STARD9: variants seen among roughly 807,000 people sequenced by gnomAD.
STARD9 encodes stAR-related lipid transfer protein 9.
STARD9 carries 346 observed loss-of-function variants against 399.8 expected under a neutral mutation model. That is an observed-to-expected ratio of 0.87 (90% CI 0.79 to 0.95). The LOEUF (loss-of-function observed/expected upper bound fraction) is 0.95, where lower values mean the gene tolerates loss of function less well. Among genes scored for constraint, STARD9 ranks in the 40% least tolerant of loss-of-function variants. The probability of loss-of-function intolerance (pLI) is 0.00; values close to 1 mark genes in which losing one functional copy is unlikely to be tolerated. For synonymous variants in STARD9, 2,203 were observed against 2,143.5 expected, an observed-to-expected ratio of 1.03 and a Z score of -0.77; for missense variants, 5,832 against 5,667.5, an observed-to-expected ratio of 1.03 and a Z score of -0.93.
intron 3 of STARD9, among the ~76,000 whole-genome samples, chr15:42,601,432 C>A (rs535583406): frequency 6.6e-6 from 1 of 151,076 alleles, no homozygotes; most frequent in Non-Finnish European, 1.5e-5. Context: ...ACTTCCCAGA[C>A]GGGGCGGCCG....
intron 21 of STARD9, 102 bp downstream of exon 21, chr15:42,681,714 G>A (rs981992899): frequency 9.2e-7 from 1 of 1,092,478 alleles, no homozygotes; most frequent in African/African-American, 1.6e-5. Context: ...TTTGTGATAT[G>A]ATGGAATCTT....
At chr15:42,594,179 A>G (rs2058460625) in intron 3 of STARD9, among the ~76,000 whole-genome samples, 1 of 152,170 alleles carries the variant, frequency 6.6e-6, no homozygotes, top group Non-Finnish European at 1.5e-5. Context: ...GATGTCAGGA[A>G]CCTGGAGAGG....
At position 42,651,083 on chromosome 15, in the gene STARD9, C is replaced by G. The variant is rs1312357351; in HGVS notation, c.627C>G (p.Asn209Lys). Residue 209 changes from asparagine to lysine, a missense_variant and splice_region_variant, in exon 8 of 33, where the codon AAC becomes AAG. By Grantham distance (94) the Asn-to-Lys change is moderately conservative. Coordinates refer to ENST00000290607, the MANE Select transcript of STARD9 (RefSeq NM_020759.3). The stretch of plus-strand genomic sequence containing the variant: ...AACTCTTGGAGGAGGGAATTGCAAA[C>G]AGGTAACAGGTTTGTTTGTTTCTGT... ...VIQLLEEGIA[N>K]RITAATHVHE... The G allele has an allele frequency of 5.9e-6, 9 of 1,531,338 alleles. No homozygotes were observed. The highest frequency in any genetic ancestry group is 7.9e-6 in the Non-Finnish European group (9 of 1,142,298). The allele number at this position is 1,531,338 out of a possible 1,614,324, so 94.9% of individuals were successfully genotyped here. A position where few individuals can be genotyped will look rare whatever the true frequency, so the allele number is the denominator to read the frequency against.
At chr15:42,651,838 C>A (rs1315591737) in intron 8 of STARD9, among the ~76,000 whole-genome samples, 1 of 152,196 alleles carries the variant, frequency 6.6e-6, no homozygotes, top group African/African-American at 2.4e-5. Context: ...AATCATGAGA[C>A]TAGCCTCTAG....
intron 26 of STARD9, among the ~76,000 whole-genome samples, chr15:42,710,124 A>G (rs745671176): frequency 2.8e-4 from 42 of 149,172 alleles, no homozygotes; most frequent in South Asian, 2.1e-3. Context: ...CAGTGACACA[A>G]TCATGGCTCA....
chr15:42,675,864 T>G lies in STARD9; in HGVS notation c.1771-8T>G. ...AGCAGCCTCACTGTGCTTTCTTCCTTGTTCAAGGTTGGAGAGGCTGCTGCT... is the reference window on the plus strand; with the variant it reads ...AGCAGCCTCACTGTGCTTTCTTCCTGGTTCAAGGTTGGAGAGGCTGCTGCT... On this transcript the variant is annotated splice_polypyrimidine_tract_variant and splice_region_variant and intron_variant, in intron 19 of 32. Coordinates refer to ENST00000290607, the MANE Select transcript of STARD9 (RefSeq NM_020759.3). 6.5e-7 allele frequency: 1 copy of G among 1,537,188 alleles called. No individual in the cohort carries two copies. Among genetic ancestry groups the G allele is most frequent in the Non-Finnish European group, 8.7e-7 (1 of 1,146,842 alleles).
chr15:42,633,883 A>G (rs1205723774), intron 3 of STARD9, among the ~76,000 whole-genome samples: 8 of 151,904 alleles, frequency 5.3e-5, no homozygotes, highest in Non-Finnish European at 1.0e-4. Context: ...ACCTCAGGTG[A>G]TCCACCCACC....
intron 3 of STARD9, among the ~76,000 whole-genome samples, chr15:42,616,401 C>T (rs542154361): frequency 6.6e-6 from 1 of 152,288 alleles, no homozygotes; most frequent in East Asian, 1.9e-4. Flanking sequence ...AGTGAAACAA[C>T]GGAAAGTAAG....
intron 7 of STARD9, 96 bp downstream of exon 7, chr15:42,638,908 C>G (rs984094412): frequency 4.6e-6 from 3 of 648,150 alleles, no homozygotes; most frequent in Non-Finnish European, 7.7e-6. Flanking sequence ...GTAATGAACA[C>G]TTATCGTGTG....
chr15:42,676,332 C>CT, intron 20 of STARD9, among the ~76,000 whole-genome samples: 1 of 152,148 alleles, frequency 6.6e-6, no homozygotes, highest in East Asian at 1.9e-4. Context: ...CCATATACTC[C>CT]TTTAAGTTCT....
rs922132326 is a variant in STARD9 at position 42,693,928 on chromosome 15, G to C, written c.12350G>C (p.Cys4117Ser). Reference protein sequence around the residue: ...PQACQPEELLCFSCQMCMAPE... With the variant: ...PQACQPEELLSFSCQMCMAPE... ...GCCTGCCAACCTGAGGAGTTACTGTGCTTCAGTTGCCAGATGTGCATGGCC... is the reference window on the plus strand; with the variant it reads ...GCCTGCCAACCTGAGGAGTTACTGTCCTTCAGTTGCCAGATGTGCATGGCC... The change falls in exon 23 of 33, where the codon TGC becomes TCC. Residue 4117 changes from cysteine to serine, a missense_variant. Physicochemically the swap from Cys to Ser is moderately radical, Grantham distance 112. Transcript: ENST00000290607. 6.6e-7 allele frequency: 1 copy of C among 1,508,668 alleles called. No individual in the cohort carries two copies. The highest frequency in any genetic ancestry group is 8.8e-7 in the Non-Finnish European group (1 of 1,131,562). The allele number at this position is 1,508,668 out of a possible 1,614,324, so 93.5% of individuals were successfully genotyped here.
At chr15:42,681,346 G>T (rs986580390) in intron 20 of STARD9, 76 bp from the exon 21 acceptor site, 29 of 1,417,958 alleles carry the variant, frequency 2.0e-5, no homozygotes, top group Admixed American at 4.6e-5. Flanking sequence ...CTCTTGGAAG[G>T]CCTTACACTG....
chr15:42,640,559 C>T (rs1054559040), intron 7 of STARD9, among the ~76,000 whole-genome samples: 1 of 152,030 alleles, frequency 6.6e-6, no homozygotes, highest in East Asian at 1.9e-4. Context: ...CAGTGGCTCA[C>T]GCCTGTGATC....
Position 42,695,869 on chromosome 15 carries a change from C to T in STARD9, c.13273C>T (p.Pro4425Ser). The change falls in exon 26 of 33, where the codon CCA becomes TCA. Residue 4425 changes from proline to serine, a missense_variant. Pro to Ser is a moderately conservative substitution (Grantham distance 74). Around this residue, in one of 2 missense-constraint regions of STARD9, gnomAD observed 5,828 missense variants for 5,651.1 expected, o/e 1.03. Transcript: ENST00000290607. ...SPALSGQLQF[P>S]ENMGHTNLPD... ...AGCCTTGTCAGGCCAGCTCCAGTTC[C>T]CAGAGAATATGGTGAGTAGGCAGAT... is the stretch of plus-strand genomic sequence containing the variant. 3 of 1,537,080 alleles carry T rather than the reference C, an allele frequency of 2.0e-6. No individual in the cohort carries two copies. Among genetic ancestry groups the T allele is most frequent in the South Asian group, 1.2e-5 (1 of 84,028 alleles).
chr15:42,698,805 CAT>C (rs2140324022), intron 26 of STARD9, among the ~76,000 whole-genome samples: 2 of 152,152 alleles, frequency 1.3e-5, no homozygotes, highest in South Asian at 4.1e-4. Context: ...GAGTCATTTT[CAT>C]ATGAGGTATG....
intron 26 of STARD9, among the ~76,000 whole-genome samples, chr15:42,699,077 G>T (rs1309776700): frequency 6.6e-6 from 1 of 151,934 alleles, no homozygotes; most frequent in African/African-American, 2.4e-5. Context: ...TATTTATGAG[G>T]TACACTGTGA....
At chr15:42,643,137 A>C (rs530377614) in intron 7 of STARD9, among the ~76,000 whole-genome samples, 1 of 152,076 alleles carries the variant, frequency 6.6e-6, no homozygotes, top group Admixed American at 6.5e-5. Flanking sequence ...CAAGCCCCAA[A>C]TCTTCTTTAC....
Position 42,658,212 on chromosome 15 carries a change from A to G in STARD9, c.703-2946A>G, listed in dbSNP as rs376617747. 3.3e-5 allele frequency among the ~76,000 whole-genome samples: 5 copies of G among 150,438 alleles called. No individual in the cohort carries two copies. In the East Asian group the frequency reaches 1.0e-3, roughly 30 times the overall value. ...CAGGCTAGAGTGCAGTGGCACAATCATGGCTCACTGCAGCCTCAACCTCCC... is the reference window on the plus strand; with the variant it reads ...CAGGCTAGAGTGCAGTGGCACAATCGTGGCTCACTGCAGCCTCAACCTCCC... On this transcript the variant is annotated intron_variant, in intron 9 of 32. Transcript: ENST00000290607.
At position 42,684,334 on chromosome 15, in the gene STARD9, A is replaced by G; in HGVS notation, c.2756A>G (p.Asp919Gly). The stretch of plus-strand genomic sequence containing the variant: ...GCCAGGAAGGGAGCCTCAGCTCCAG[A>G]CGCTTGCCTCACCATGAGTCCCAAC... The part of the protein sequence containing the change: ...ALARKGASAP[D>G]ACLTMSPNSV... Residue 919 changes from aspartate to glycine, a missense_variant, in exon 23 of 33, where the codon GAC (aspartate) becomes GGC (glycine). Around this residue, in one of 2 missense-constraint regions of STARD9, gnomAD observed 5,828 missense variants for 5,651.1 expected, o/e 1.03. Transcript: ENST00000290607. 1 of 1,536,462 alleles carries G rather than the reference A, an allele frequency of 6.5e-7. No individual in the cohort carries two copies. Among genetic ancestry groups the G allele is most frequent in the East Asian group, 2.4e-5 (1 of 40,894 alleles).
Sources: gnomAD v4.1 joint callset for allele counts (sites outside exome capture counted in the v4.1 genomes callset) on GRCh38, gnomAD v4.1.1 for gene constraint, gnomAD v4.1.1 regional missense constraint, MANE v1.5 for transcripts, NCBI Gene and HGNC (gene_info 2026-07-23, HGNC 2026-07-21) for gene names.